CCDC3: variants seen among roughly 807,000 people sequenced by gnomAD.
CCDC3 encodes coiled-coil domain-containing protein 3.
Under a neutral mutation model 21.4 loss-of-function variants are expected in CCDC3, and 24 were observed. The observed-to-expected ratio is 1.12, with a 90% CI of 0.81 to 1.58. The LOEUF (loss-of-function observed/expected upper bound fraction) is 1.58, where lower values mean the gene tolerates loss of function less well. CCDC3 is among the 40% of genes most tolerant of loss of function. The probability of loss-of-function intolerance (pLI) is 0.00; values close to 1 mark genes in which losing one functional copy is unlikely to be tolerated. For synonymous variants in CCDC3, 186 were observed against 166.0 expected, an observed-to-expected ratio of 1.12 and a Z score of -0.93; for missense variants, 425 against 360.9, an observed-to-expected ratio of 1.18 and a Z score of -1.44.
At chr10:12,935,908 ATTCCCCTGCTGTCCCTT>A (rs1377206247) in intron 2 of CCDC3, among the ~76,000 whole-genome samples, 1 of 152,204 alleles carries the variant, frequency 6.6e-6, no homozygotes, top group African/African-American at 2.4e-5. Flanking sequence ...GACGTTCCTA[ATTCCCCTGCTGTCCCTT>A]ATATCATTGC....
At chr10:13,095,436 TGG>T (rs200865105) in intron 3 of CCDC3, among the ~76,000 whole-genome samples, 1 of 133,584 alleles carries the variant, frequency 7.5e-6, no homozygotes, top group Non-Finnish European at 1.6e-5. Context: ...TGGTGGTGGG[TGG>T]GGGGGTGGTT....
At chr10:12,912,941 C>T (rs1834292786) in intron 2 of CCDC3, among the ~76,000 whole-genome samples, 1 of 152,200 alleles carries the variant, frequency 6.6e-6, no homozygotes, top group African/African-American at 2.4e-5. Flanking sequence ...TTTCTTGGCG[C>T]TCTATTCTGT....
rs940523816 is a variant in CCDC3 at position 13,054,088 on chromosome 10, T to C, written c.-269-4147A>G. Among the ~76,000 whole-genome samples, 4 of 143,466 alleles carry C rather than the reference T, an allele frequency of 2.8e-5. No individual in the cohort carries two copies. The East Asian group carries it at 8.2e-4, about 29-fold the overall frequency. 94.1% of individuals were successfully genotyped at this position (143,466 alleles called of 152,430 possible). ...TAAACCCAGGAGGGGCAGGTTGCAGTGAGCCGAGATAGGGCCGCTGCACTC... is the reference window on the plus strand; with the variant it reads ...TAAACCCAGGAGGGGCAGGTTGCAGCGAGCCGAGATAGGGCCGCTGCACTC... On this transcript the variant is annotated intron_variant, in intron 4 of 6. Coordinates refer to the CCDC3 transcript ENST00000378839.
chr10:12,999,140 T>A (rs1282320389), intron 1 of CCDC3, among the ~76,000 whole-genome samples: 1 of 152,162 alleles, frequency 6.6e-6, no homozygotes, highest in Non-Finnish European at 1.5e-5. Context: ...CTCAGAAGGC[T>A]GAGGCAGGAG....
At chr10:12,971,668 G>A (rs1271805629) in intron 2 of CCDC3, among the ~76,000 whole-genome samples, 1 of 152,058 alleles carries the variant, frequency 6.6e-6, no homozygotes, top group Admixed American at 6.6e-5. Context: ...GGTCCCACCA[G>A]TGCCCAAGCC....
intron 4 of CCDC3, among the ~76,000 whole-genome samples, chr10:13,072,499 GATGAGGGAAC>G (rs1477219863): frequency 6.6e-6 from 1 of 152,204 alleles, no homozygotes; most frequent in Non-Finnish European, 1.5e-5. Flanking sequence ...CTTCTGTACA[GATGAGGGAAC>G]ATGCCCAGGG....
At chr10:12,984,995 T>C (rs1235114102) in intron 2 of CCDC3, among the ~76,000 whole-genome samples, 1 of 152,224 alleles carries the variant, frequency 6.6e-6, no homozygotes, top group African/African-American at 2.4e-5. Flanking sequence ...GTTACACATA[T>C]ATGTGGATAT....
intron 5 of CCDC3, among the ~76,000 whole-genome samples, chr10:13,023,740 A>G (rs1160468336): frequency 1.3e-5 from 2 of 152,122 alleles, no homozygotes; most frequent in African/African-American, 4.8e-5. Context: ...AAAGCATCCA[A>G]GGTCTTGTCT....
intron 4 of CCDC3, among the ~76,000 whole-genome samples, chr10:13,070,572 C>A (rs985068797): frequency 9.9e-5 from 15 of 152,172 alleles, no homozygotes; most frequent in African/African-American, 3.6e-4. Flanking sequence ...CACTTTCCAA[C>A]AGACCCAGGG....
chr10:13,022,901 AAT>A (rs1836164888), intron 5 of CCDC3, among the ~76,000 whole-genome samples: 1 of 152,230 alleles, frequency 6.6e-6, no homozygotes, highest in African/African-American at 2.4e-5. Context: ...AACTGCTTGA[AAT>A]ATAGGCCAAG....
At chr10:13,090,034 G>GATATATATATAT (rs66476163) in intron 3 of CCDC3, among the ~76,000 whole-genome samples, 2 of 129,164 alleles carry the variant, frequency 1.5e-5, no homozygotes, top group South Asian at 2.4e-4. Context: ...TATTCCGTTA[G>GATATATATATAT]ATATATATAT....
intron 3 of CCDC3, among the ~76,000 whole-genome samples, chr10:13,093,046 T>TC (rs532411611): frequency 1.3e-3 from 178 of 135,910 alleles, no homozygotes; most frequent in African/African-American, 2.6e-3. Flanking sequence ...TTTTTTTTTT[T>TC]CAAAAACAAA....
intron 3 of CCDC3, among the ~76,000 whole-genome samples, chr10:13,079,409 T>C (rs1374200252): frequency 1.3e-5 from 2 of 151,822 alleles, no homozygotes; most frequent in East Asian, 1.9e-4. Context: ...GGTGACCTCA[T>C]GCATGAGCCA....
At chr10:13,027,206 T>C (rs1280322939) in intron 5 of CCDC3, among the ~76,000 whole-genome samples, 1 of 152,168 alleles carries the variant, frequency 6.6e-6, no homozygotes, top group East Asian at 1.9e-4. Context: ...GGTCAGTGTG[T>C]AGGTCCGTAG....
At chr10:13,088,288 A>T (rs12413673) in intron 3 of CCDC3, among the ~76,000 whole-genome samples, 29,728 of 151,716 alleles carry the variant, frequency 0.2, 3,435 homozygotes, top group East Asian at 0.31. Flanking sequence ...TGAGAAGGAT[A>T]AAAAAAAATT....
intron 2 of CCDC3, among the ~76,000 whole-genome samples, chr10:12,934,988 T>C (rs1834713357): frequency 6.6e-6 from 1 of 151,900 alleles, no homozygotes. Flanking sequence ...CACTGTACCA[T>C]TACGTAACAA....
At chr10:12,927,963 A>C (rs533385142) in intron 2 of CCDC3, among the ~76,000 whole-genome samples, 1 of 152,386 alleles carries the variant, frequency 6.6e-6, no homozygotes, top group East Asian at 1.9e-4. Context: ...CCTGGGTAAC[A>C]GATGAACATT....
At chr10:13,034,627 T>G (rs921162556) in intron 5 of CCDC3, among the ~76,000 whole-genome samples, 2 of 152,218 alleles carry the variant, frequency 1.3e-5, no homozygotes, top group African/African-American at 4.8e-5. Flanking sequence ...ATGGGACCTT[T>G]TTTGTATTAG....
intron 2 of CCDC3, among the ~76,000 whole-genome samples, chr10:12,950,831 A>G (rs1834996572): frequency 6.6e-6 from 1 of 152,170 alleles, no homozygotes; most frequent in Non-Finnish European, 1.5e-5. Flanking sequence ...CTCTGTGAGG[A>G]AGATATGGGG....
Sources: gnomAD v4.1 joint callset for allele counts (sites outside exome capture counted in the v4.1 genomes callset) on GRCh38, gnomAD v4.1.1 for gene constraint, MANE v1.5 for transcripts, NCBI Gene and HGNC (gene_info 2026-07-23, HGNC 2026-07-21) for gene names.